NRXN1: variants seen among roughly 807,000 people sequenced by gnomAD.
NRXN1 encodes neurexin-1.
In NRXN1, 39 loss-of-function variants were observed where a neutral mutation model predicts 150.9. That is an observed-to-expected ratio of 0.26 (90% CI 0.20 to 0.34). The LOEUF is 0.34. NRXN1 is among the 10% of genes least tolerant of loss of function. NRXN1 has a pLI of 1.00. For synonymous variants in NRXN1, 924 were observed against 757.0 expected, an observed-to-expected ratio of 1.22 and a Z score of -3.62; for missense variants, 1,815 against 1,949.9, an observed-to-expected ratio of 0.93 and a Z score of 1.30.
At chr2:50,175,992 C>T (rs934439190) in intron 18 of NRXN1, among the ~76,000 whole-genome samples, 2 of 152,112 alleles carry the variant, frequency 1.3e-5, no homozygotes, top group African/African-American at 4.8e-5. Context: ...AGTCAACAAG[C>T]ACTTACTGAA....
intron 2 of NRXN1, among the ~76,000 whole-genome samples, chr2:50,990,933 G>A (rs1032713528): frequency 6.6e-6 from 1 of 151,916 alleles, no homozygotes; most frequent in African/African-American, 2.4e-5. Flanking sequence ...AAGCACTTTG[G>A]GAGCATCCAA....
At chr2:50,561,839 A>C in intron 8 of NRXN1, among the ~76,000 whole-genome samples, 1 of 152,190 alleles carries the variant, frequency 6.6e-6, no homozygotes, top group Non-Finnish European at 1.5e-5. Flanking sequence ...AGAATCAATA[A>C]ACTTGCAATG....
At chr2:50,901,335 A>G (rs1182743885) in intron 5 of NRXN1, among the ~76,000 whole-genome samples, 1 of 152,084 alleles carries the variant, frequency 6.6e-6, no homozygotes, top group Admixed American at 6.6e-5. Context: ...GGAGATCGAG[A>G]CCATCCTGGC....
intron 8 of NRXN1, among the ~76,000 whole-genome samples, chr2:50,557,169 G>A (rs1010883736): frequency 6.6e-6 from 1 of 152,138 alleles, no homozygotes; most frequent in Non-Finnish European, 1.5e-5. Context: ...TGATAGATAA[G>A]GCTCTTTCAA....
chr2:50,195,726 G>GT (rs1038403745), intron 18 of NRXN1, among the ~76,000 whole-genome samples: 3 of 151,988 alleles, frequency 2.0e-5, no homozygotes, highest in African/African-American at 4.8e-5. Context: ...CTGGGCAACT[G>GT]TTTTTTGAGG....
intron 2 of NRXN1, among the ~76,000 whole-genome samples, chr2:50,992,068 T>C (rs1433128044): frequency 6.6e-6 from 1 of 152,028 alleles, no homozygotes; most frequent in Non-Finnish European, 1.5e-5. Context: ...ACCCAGTTTC[T>C]GTCCAATCTG....
chr2:50,417,084 T>A (rs372673215), intron 17 of NRXN1: 1 of 152,082 alleles, frequency 6.6e-6, no homozygotes, highest in African/African-American at 2.4e-5. Context: ...TAAACCTACC[T>A]TGAATGAGGA....
chr2:50,290,623 A>T (rs1465412577), intron 17 of NRXN1, among the ~76,000 whole-genome samples: 1 of 152,166 alleles, frequency 6.6e-6, no homozygotes, highest in Non-Finnish European at 1.5e-5. Context: ...TCCATGAAGG[A>T]GGCCAAGCCA....
intron 10 of NRXN1, among the ~76,000 whole-genome samples, chr2:50,534,470 C>G (rs1233431453): frequency 6.6e-6 from 1 of 152,042 alleles, no homozygotes; most frequent in Non-Finnish European, 1.5e-5. Flanking sequence ...TCCCAGTGGT[C>G]AAAGACCAGT....
chr2:50,436,878 G>C (rs1334203057), intron 17 of NRXN1, among the ~76,000 whole-genome samples: 3 of 152,054 alleles, frequency 2.0e-5, no homozygotes, highest in Non-Finnish European at 4.4e-5. Flanking sequence ...TCAAAACTAG[G>C]ATAAAGAATG....
intron 5 of NRXN1, among the ~76,000 whole-genome samples, chr2:50,821,842 T>C (rs1234823357): frequency 6.6e-6 from 1 of 152,134 alleles, no homozygotes; most frequent in African/African-American, 2.4e-5. Flanking sequence ...ATAAGTAGGC[T>C]CTCATAAGCA....
chr2:50,784,083 A>G (rs1200112473), intron 5 of NRXN1, among the ~76,000 whole-genome samples: 3 of 152,128 alleles, frequency 2.0e-5, no homozygotes, highest in Non-Finnish European at 4.4e-5. Flanking sequence ...TGTTAGTTAA[A>G]AGTATATCTG....
At chr2:50,357,499 G>A (rs1290475758) in intron 17 of NRXN1, among the ~76,000 whole-genome samples, 1 of 151,638 alleles carries the variant, frequency 6.6e-6, no homozygotes, top group Admixed American at 6.6e-5. Context: ...GTAGAGATGG[G>A]GTTTCTCCAT....
intron 21 of NRXN1, chr2:50,019,308 T>C: frequency 2.1e-6 from 1 of 471,310 alleles, no homozygotes; most frequent in Non-Finnish European, 4.4e-6. Flanking sequence ...GATATGTTTA[T>C]TCTGTACTTT....
At chr2:50,351,139 G>T (rs1284252050) in intron 17 of NRXN1, among the ~76,000 whole-genome samples, 1 of 152,148 alleles carries the variant, frequency 6.6e-6, no homozygotes, top group Non-Finnish European at 1.5e-5. Context: ...TTGCAATTTT[G>T]TTATCTAAGG....
intron 2 of NRXN1, among the ~76,000 whole-genome samples, chr2:50,943,326 C>T (rs2104509933): frequency 6.6e-6 from 1 of 152,210 alleles, no homozygotes; most frequent in Middle Eastern, 3.4e-3. Flanking sequence ...GTGGTTTTTG[C>T]AATTACTTTT....
chr2:50,063,547 G>GACACACACACACACACACACACACACAC (rs3046664), intron 19 of NRXN1, among the ~76,000 whole-genome samples: 1 of 137,516 alleles, frequency 7.3e-6, no homozygotes. Context: ...CACCTCAACA[G>GACACACACACACACACACACACACACAC]ACACACACAC....
intron 18 of NRXN1, among the ~76,000 whole-genome samples, chr2:50,167,261 A>C (rs1008961069): frequency 2.6e-5 from 4 of 152,202 alleles, no homozygotes; most frequent in Non-Finnish European, 5.9e-5. Flanking sequence ...TGCCAAAAAT[A>C]GAATTCCTTT....
chr2:50,356,817 GA>G (rs750976881), intron 17 of NRXN1, among the ~76,000 whole-genome samples: 6 of 152,170 alleles, frequency 3.9e-5, no homozygotes, highest in East Asian at 1.9e-4. Flanking sequence ...CATATCTGAT[GA>G]TTTTTTTAAA....
Sources: allele counts gnomAD v4.1 joint callset (sites outside exome capture counted in the v4.1 genomes callset), GRCh38; gene constraint gnomAD v4.1.1; transcripts MANE v1.5; gene names NCBI Gene and HGNC (gene_info 2026-07-23, HGNC 2026-07-21).